SGMS1: variants seen among roughly 807,000 people sequenced by gnomAD.
SGMS1 encodes sphingomyelin synthase 1, also known as phosphatidylcholine:ceramide cholinephosphotransferase 1.
In SGMS1, 13 loss-of-function variants were observed where a neutral mutation model predicts 46.2. That is an observed-to-expected ratio of 0.28 (90% CI 0.18 to 0.45). SGMS1 has a LOEUF of 0.45. Ranked by LOEUF, SGMS1 falls within the 20% of genes least tolerant of loss-of-function variation. The pLI is 1.00. For missense variants in SGMS1, 324 were observed against 519.9 expected (o/e 0.62, Z 3.66); for synonymous variants, 203 against 187.8 (o/e 1.08, Z -0.66).
At chr10:50,511,586 G>A (rs1168219923) in intron 3 of SGMS1, among the ~76,000 whole-genome samples, 1 of 152,194 alleles carries the variant, frequency 6.6e-6, no homozygotes, top group Non-Finnish European at 1.5e-5. Context: ...AATTATCCAT[G>A]TGATGTTACC....
At chr10:50,477,202 G>A (rs1026422545) in intron 3 of SGMS1, among the ~76,000 whole-genome samples, 11 of 152,256 alleles carry the variant, frequency 7.2e-5, no homozygotes, top group African/African-American at 2.4e-4. Context: ...GGAAGTCCAT[G>A]CCTGGCATCA....
intron 2 of SGMS1, among the ~76,000 whole-genome samples, chr10:50,587,497 G>A (rs1838495303): frequency 6.6e-6 from 1 of 152,144 alleles, no homozygotes; most frequent in African/African-American, 2.4e-5. Flanking sequence ...GCCTGGCATG[G>A]TGGCACGCAC....
intron 6 of SGMS1, among the ~76,000 whole-genome samples, chr10:50,378,540 A>T (rs1167322569): frequency 1.3e-5 from 2 of 152,234 alleles, no homozygotes; most frequent in African/African-American, 2.4e-5. Flanking sequence ...CAGCAGTAAA[A>T]TTTAAAATGT....
chr10:50,614,245 C>G (rs368987585), intron 1 of SGMS1, among the ~76,000 whole-genome samples: 5 of 152,092 alleles, frequency 3.3e-5, no homozygotes, highest in African/African-American at 1.2e-4. Context: ...AGTTTTCTCT[C>G]CACCTTGGGA....
At chr10:50,388,311 T>C (rs1337732385) in intron 6 of SGMS1, among the ~76,000 whole-genome samples, 2 of 151,980 alleles carry the variant, frequency 1.3e-5, no homozygotes, top group African/African-American at 4.8e-5. Context: ...TTTAATTAAA[T>C]ATTTAAACAA....
chr10:50,335,209 C>A (rs1847696818), intron 7 of SGMS1: 1 of 152,284 alleles, frequency 6.6e-6, no homozygotes, highest in Non-Finnish European at 1.5e-5. Context: ...TCACTTGAGT[C>A]CAGGAGTTCC....
chr10:50,588,411 C>T (rs1001713715), intron 2 of SGMS1, among the ~76,000 whole-genome samples: 6 of 152,146 alleles, frequency 3.9e-5, no homozygotes, highest in African/African-American at 1.4e-4. Flanking sequence ...GATTGGAAAG[C>T]AGAACAGTCG....
rs552019123 is a variant in SGMS1 at position 50,307,063 on chromosome 10, G to T, written c.*79C>A. 247 of 1,346,518 alleles carry T rather than the reference G, an allele frequency of 1.8e-4. No individual in the cohort carries two copies. In the African/African-American group the frequency reaches 2.5e-3, roughly 14 times the overall value. 83.4% of individuals were successfully genotyped at this position (1,346,518 alleles called of 1,614,324 possible). On this transcript the variant is annotated 3_prime_UTR_variant, in exon 11 of 11. Transcript: ENST00000361781. The surrounding 1 kb of genome is among the most constrained non-coding windows in gnomAD (Gnocchi z 4.2). ...ATTGAAAGATAATAGGATTAGGGAG[G>T]TGTTTATTTTATGGCATCTTCTCTC...
At position 50,495,070 on chromosome 10, in the gene SGMS1, AT is replaced by A. The variant is rs1440224571; in HGVS notation, c.-498+24760del. 5.1e-4 allele frequency among the ~76,000 whole-genome samples: 32 copies of A among 62,524 alleles called. 1 individual carries two copies. Among genetic ancestry groups the A allele is most frequent in the East Asian group, 9.4e-4 (3 of 3,200 alleles). 41.0% of individuals were successfully genotyped at this position (62,524 alleles called of 152,430 possible). ...AATAAAATAAAAAAAAATACAAAAA[AT>A]ACAAAAAAAAAAAAAAATTAGCCGG... On this transcript the variant is annotated intron_variant, in intron 3 of 10. Transcript: ENST00000361781.
chr10:50,596,457 C>T (rs541978278), intron 1 of SGMS1, among the ~76,000 whole-genome samples: 16 of 152,330 alleles, frequency 1.1e-4, no homozygotes, highest in African/African-American at 2.6e-4. Flanking sequence ...GGCTTACAGG[C>T]GTGAGCCACC....
chr10:50,381,033 T>A (rs912101719), intron 6 of SGMS1, among the ~76,000 whole-genome samples: 5 of 151,096 alleles, frequency 3.3e-5, no homozygotes, highest in African/African-American at 9.8e-5. Context: ...ATCTCACTGT[T>A]ACCCAGGCTA....
chr10:50,356,149 G>A (rs1564887164), intron 6 of SGMS1, among the ~76,000 whole-genome samples: 1 of 152,230 alleles, frequency 6.6e-6, no homozygotes, highest in Non-Finnish European at 1.5e-5. Context: ...AAAGAGATCA[G>A]ATTGTTACTC....
At chr10:50,535,816 G>T (rs1837995864) in intron 2 of SGMS1, among the ~76,000 whole-genome samples, 1 of 152,050 alleles carries the variant, frequency 6.6e-6, no homozygotes, top group African/African-American at 2.4e-5. Flanking sequence ...TGGGGGAGAG[G>T]GGCCAAGCTT....
In SGMS1 at chr10:50,431,404, A is replaced by G. The variant is rs946079182; in HGVS notation, c.-232+2072T>C. ...ATCCAAGGCATTTTTGTAAGGTTCA[A>G]TAAAAAATGTGTTTTGAGAACTAGG... On this transcript the variant is annotated intron_variant, in intron 6 of 10. Transcript: ENST00000361781. Among the ~76,000 whole-genome samples, 5 of 152,266 alleles carry G rather than the reference A, an allele frequency of 3.3e-5. No homozygotes were observed. In the East Asian group the frequency reaches 9.6e-4, roughly 29 times the overall value.
At chr10:50,520,085 T>C (rs1837844503) in intron 2 of SGMS1, among the ~76,000 whole-genome samples, 164 bp from the exon 3 acceptor site, 1 of 152,140 alleles carries the variant, frequency 6.6e-6, no homozygotes, top group Admixed American at 6.6e-5. Flanking sequence ...GTCTAAGCCA[T>C]TTTAACTAAA....
intron 1 of SGMS1, among the ~76,000 whole-genome samples, chr10:50,616,630 A>C (rs1290442046): frequency 6.6e-6 from 1 of 152,164 alleles, no homozygotes; most frequent in African/African-American, 2.4e-5. Flanking sequence ...AGGGGTGAGT[A>C]ATTTCACCAA....
intron 6 of SGMS1, among the ~76,000 whole-genome samples, chr10:50,421,134 C>G (rs1238111143): frequency 6.6e-6 from 1 of 152,114 alleles, no homozygotes; most frequent in African/African-American, 2.4e-5. Flanking sequence ...TACACGGATT[C>G]TCAACATATA....
chr10:50,331,359 T>C (rs1381353343), intron 7 of SGMS1, among the ~76,000 whole-genome samples: 1 of 152,200 alleles, frequency 6.6e-6, no homozygotes, highest in East Asian at 1.9e-4. Flanking sequence ...TTCAGGAAAC[T>C]GCATCACATT....
At chr10:50,482,358 G>C (rs904108084) in intron 3 of SGMS1, among the ~76,000 whole-genome samples, 3 of 152,164 alleles carry the variant, frequency 2.0e-5, no homozygotes, top group African/African-American at 7.2e-5. Flanking sequence ...GAGATTGGGG[G>C]CCATTATTCA....
Sources: gnomAD v4.1 joint callset for allele counts (sites outside exome capture counted in the v4.1 genomes callset) on GRCh38, gnomAD v4.1.1 for gene constraint, Gnocchi (gnomAD v3.1) non-coding constraint, MANE v1.5 for transcripts, NCBI Gene and HGNC (gene_info 2026-07-23, HGNC 2026-07-21) for gene names.